The following SCYL2 variants were observed in gnomAD, a reference collection of about 807,000 sequenced individuals.
SCYL2 encodes the protein SCY1-like protein 2.
Under a neutral mutation model 100.4 loss-of-function variants are expected in SCYL2, and 36 were observed. The observed-to-expected ratio is 0.36, with a 90% CI of 0.27 to 0.47. SCYL2 has a LOEUF of 0.47. Ranked by LOEUF, SCYL2 falls within the 20% of genes least tolerant of loss-of-function variation. The pLI is 1.00. For synonymous variants in SCYL2, 330 were observed against 359.2 expected (o/e 0.92, Z 0.92); for missense variants, 902 against 1,083.9 (o/e 0.83, Z 2.36).
rs1952270336 is a variant in SCYL2, at chr12:100,335,895, A to G, written c.2014A>G (p.Lys672Glu). The change falls in exon 16 of 18, where the codon AAA (lysine) becomes GAA (glutamate). Residue 672 changes from lysine to glutamate, a missense_variant. Coordinates refer to ENST00000360820, the MANE Select transcript of SCYL2 (RefSeq NM_017988.6). ...SENKEDGLQN[K>E]HKRASLTLEE... ...AAATAAAGAGGACGGGTTACAGAATAAACATAAAAGAGTGAGTTTCCTTAC... is the reference window on the plus strand; with the variant it reads ...AAATAAAGAGGACGGGTTACAGAATGAACATAAAAGAGTGAGTTTCCTTAC... 1 of 1,611,874 alleles carries G rather than the reference A, an allele frequency of 6.2e-7. No individual in the cohort carries two copies. The highest frequency in any genetic ancestry group is 8.5e-7 in the Non-Finnish European group (1 of 1,178,244).
chr12:100,288,807 A>G (rs2096307278), intron 2 of SCYL2, among the ~76,000 whole-genome samples: 1 of 151,846 alleles, frequency 6.6e-6, no homozygotes, highest in African/African-American at 2.4e-5. Context: ...ACTGCACTCC[A>G]GCCTGGGTAA....
intron 2 of SCYL2, among the ~76,000 whole-genome samples, 200 bp downstream of exon 2, chr12:100,283,347 T>C (rs2096300956): frequency 6.6e-6 from 1 of 152,232 alleles, no homozygotes; most frequent in South Asian, 2.1e-4. Context: ...TGGTTACACA[T>C]ATACTGTTTG....
chr12:100,267,341 A>T lies in SCYL2; in HGVS notation c.-480A>T, dbSNP rs1475508219. The T allele has an allele frequency of 1.1e-5, 4 of 359,412 alleles. No homozygotes were observed. In the East Asian group the frequency reaches 1.4e-4, roughly 12 times the overall value. The allele number at this position is 359,412 out of a possible 1,614,324, so 22.3% of individuals were successfully genotyped here. A position where few individuals can be genotyped will look rare whatever the true frequency, so the allele number is the denominator to read the frequency against. On this transcript the variant is annotated 5_prime_UTR_variant, in exon 1 of 18. Coordinates refer to ENST00000360820, the MANE Select transcript of SCYL2 (RefSeq NM_017988.6). Reference sequence around the variant, plus strand: ...GAGCAGGAACAGCCAGGAGGCGTTTATTAGGGGGGCGGGGGGAAAGAGCCC... The same window carrying T: ...GAGCAGGAACAGCCAGGAGGCGTTTTTTAGGGGGGCGGGGGGAAAGAGCCC...
rs182326897 is a variant in SCYL2, at chr12:100,313,317, G to A, written c.853-105G>A. 2,566 of 528,766 alleles carry A rather than the reference G, an allele frequency of 4.9e-3. 22 individuals are homozygous for A. The highest frequency in any genetic ancestry group is 6.1e-3 in the Non-Finnish European group (1,834 of 299,046). The allele number at this position is 528,766 out of a possible 1,614,324, so 32.8% of individuals were successfully genotyped here. On this transcript the variant is annotated intron_variant, in intron 6 of 17. Transcript: ENST00000360820. ...TAACAGTGTGTTTAAAATGTAGTCA[G>A]TATATTTGTAGTAAAATATTGAGTA...
rs1236044182 is a variant in SCYL2, at chr12:100,317,854, C to G, written c.1324C>G (p.Pro442Ala). 5.6e-6 allele frequency: 9 copies of G among 1,609,118 alleles called. No homozygotes were observed. The East Asian group carries it at 1.3e-4, about 24-fold the overall frequency. ...GGATTTGCTACTAACCAAAACCCCT[C>G]CTGATGAGATAAAGAACAGTGTTCT... ...KMDLLLTKTP[P>A]DEIKNSVLPM... The change falls in exon 10 of 18, where the codon CCT (proline) becomes GCT (alanine). Residue 442 changes from proline to alanine, a missense_variant. Transcript: ENST00000360820.
Position 100,326,635 on chromosome 12 carries a change from C to T in SCYL2, c.1523C>T (p.Ser508Leu), listed in dbSNP as rs1486558360. 6.3e-7 allele frequency: 1 copy of T among 1,596,726 alleles called. No individual in the cohort carries two copies. The highest frequency in any genetic ancestry group is 8.5e-7 in the Non-Finnish European group (1 of 1,174,336). ...CTCTTTTAATAGGTTCGTGTAAATT[C>T]ATTAGTGTGCTTAGGAAAGATTTTG... is the stretch of plus-strand genomic sequence containing the variant. ...QTSSLAVRVN[S>L]LVCLGKILEY... Residue 508 changes from serine (S) to leucine (L), a missense_variant, in exon 12 of 18, where the codon TCA becomes TTA. Transcript: ENST00000360820.
intron 4 of SCYL2, among the ~76,000 whole-genome samples, chr12:100,305,569 A>G (rs1218466595): frequency 2.6e-5 from 4 of 152,232 alleles, no homozygotes; most frequent in African/African-American, 4.8e-5. Flanking sequence ...TCTAAAATCA[A>G]CATCCTAACG....
At chr12:100,320,282 T>G (rs2096354144) in intron 10 of SCYL2, among the ~76,000 whole-genome samples, 1 of 152,140 alleles carries the variant, frequency 6.6e-6, no homozygotes, top group African/African-American at 2.4e-5. Context: ...CGGTGGCTCA[T>G]GCCTGTAATC....
At chr12:100,293,006 T>G (rs1313762247) in intron 3 of SCYL2, among the ~76,000 whole-genome samples, 2 of 151,992 alleles carry the variant, frequency 1.3e-5, no homozygotes, top group African/African-American at 4.8e-5. Flanking sequence ...AATTTAAAAA[T>G]TTTTTGTTTT....
chr12:100,307,245 A>G (rs1412794078), intron 4 of SCYL2, among the ~76,000 whole-genome samples: 4 of 152,206 alleles, frequency 2.6e-5, no homozygotes, highest in African/African-American at 9.6e-5. Flanking sequence ...TTCAAACTAT[A>G]CTGTAAGGCT....
intron 1 of SCYL2, among the ~76,000 whole-genome samples, chr12:100,273,054 A>C (rs1379293788): frequency 6.6e-6 from 1 of 152,092 alleles, no homozygotes; most frequent in South Asian, 2.1e-4. Flanking sequence ...GTCTTGCCAT[A>C]TTCTCAGCCT....
chr12:100,311,258 C>T (rs2096341853), intron 5 of SCYL2, 65 bp downstream of exon 5: 1 of 1,497,132 alleles, frequency 6.7e-7, no homozygotes, highest in African/African-American at 1.4e-5. Flanking sequence ...CTGGAATGGA[C>T]TAGAAATAGG....
At chr12:100,277,352 C>A (rs2135809894) in intron 1 of SCYL2, among the ~76,000 whole-genome samples, 1 of 152,320 alleles carries the variant, frequency 6.6e-6, no homozygotes, top group East Asian at 1.9e-4. Context: ...TAAGTGAGAA[C>A]TCTTGAAGTC....
In SCYL2 at chr12:100,339,836, T is replaced by TGG. The variant is rs1952330530; in HGVS notation, c.*665_*666dup. The TGG allele has an allele frequency of 6.6e-6, 1 of 152,588 alleles. No homozygotes were observed. 9.5% of individuals were successfully genotyped at this position (152,588 alleles called of 1,614,324 possible). A position where few individuals can be genotyped will look rare whatever the true frequency, so the allele number is the denominator to read the frequency against. ...AATCATTGTAAATTATATTTTAGCA[T>TGG]GGTCTGCCTCAAATAGTAATGTATT... is the stretch of plus-strand genomic sequence containing the variant. On this transcript the variant is annotated 3_prime_UTR_variant, in exon 18 of 18. Coordinates refer to ENST00000360820, the MANE Select transcript of SCYL2 (RefSeq NM_017988.6).
chr12:100,306,063 A>G (rs768493599), intron 4 of SCYL2, among the ~76,000 whole-genome samples: 1 of 152,192 alleles, frequency 6.6e-6, no homozygotes, highest in Non-Finnish European at 1.5e-5. Flanking sequence ...TCACAACCAA[A>G]TTCTACCAGA....
chr12:100,285,910 C>G (rs1023005289), intron 2 of SCYL2, among the ~76,000 whole-genome samples: 1 of 152,002 alleles, frequency 6.6e-6, no homozygotes, highest in Non-Finnish European at 1.5e-5. Flanking sequence ...TTTATTTAAA[C>G]TAGCCATTAA....
intron 12 of SCYL2, among the ~76,000 whole-genome samples, chr12:100,328,542 T>G (rs556381032): frequency 1.3e-5 from 2 of 152,236 alleles, no homozygotes; most frequent in South Asian, 4.1e-4. Flanking sequence ...AACAGAATAA[T>G]GGGGGATGGT....
chr12:100,303,085 G>GT (rs1246869897), intron 4 of SCYL2, among the ~76,000 whole-genome samples: 1 of 152,030 alleles, frequency 6.6e-6, no homozygotes, highest in Non-Finnish European at 1.5e-5. Flanking sequence ...TTCTCATGCT[G>GT]TGTTTTTCAG....
intron 10 of SCYL2, chr12:100,319,413 G>C: frequency 3.1e-6 from 1 of 322,354 alleles, no homozygotes; most frequent in Non-Finnish European, 6.2e-6. Context: ...AGAGGGAGGG[G>C]AAGATTAAGT....
Sources: gnomAD v4.1 joint callset for allele counts (sites outside exome capture counted in the v4.1 genomes callset) on GRCh38, gnomAD v4.1.1 for gene constraint, MANE v1.5 for transcripts, NCBI Gene and HGNC (gene_info 2026-07-23, HGNC 2026-07-21) for gene names.